SLC14A2: variants seen among roughly 807,000 people sequenced by gnomAD.
SLC14A2 encodes solute carrier family 14 member 2.
Under a neutral mutation model 104.6 loss-of-function variants are expected in SLC14A2, and 91 were observed. That is an observed-to-expected ratio of 0.87 (90% confidence interval 0.73 to 1.04). The LOEUF (loss-of-function observed/expected upper bound fraction) is 1.04. Among genes scored for constraint, SLC14A2 ranks in the 50% least tolerant of loss-of-function variants. The probability of loss-of-function intolerance (pLI) is 0.00; values close to 1 mark genes in which losing one functional copy is unlikely to be tolerated. For synonymous variants in SLC14A2, 476 were observed against 466.4 expected (o/e 1.02, Z -0.27); for missense variants, 1,189 against 1,156.0 (o/e 1.03, Z -0.41).
intron 1 of SLC14A2, among the ~76,000 whole-genome samples, chr18:45,621,238 C>G (rs1390302582): frequency 6.6e-6 from 1 of 152,174 alleles, no homozygotes; most frequent in Admixed American, 6.5e-5. Flanking sequence ...TTCCAGCATG[C>G]CCCCTCTATG....
At chr18:45,267,431 G>A (rs954891850) in intron 1 of SLC14A2, among the ~76,000 whole-genome samples, 1 of 152,104 alleles carries the variant, frequency 6.6e-6, no homozygotes. Flanking sequence ...CTATTCCACT[G>A]TGCTGTCAAC....
intron 1 of SLC14A2, among the ~76,000 whole-genome samples, chr18:45,285,426 A>G (rs1348611309): frequency 2.0e-5 from 3 of 150,604 alleles, no homozygotes; most frequent in Non-Finnish European, 4.4e-5. Context: ...AACAGATTAA[A>G]TTTTTTTTTT....
intron 1 of SLC14A2, among the ~76,000 whole-genome samples, chr18:45,294,339 T>C (rs994829919): frequency 1.3e-5 from 2 of 152,208 alleles, no homozygotes; most frequent in East Asian, 3.8e-4. Context: ...CTAAATACAG[T>C]TTTTTCTACT....
chr18:45,451,742 G>A (rs2086861302), intron 1 of SLC14A2, among the ~76,000 whole-genome samples: 2 of 152,122 alleles, frequency 1.3e-5, no homozygotes, highest in Non-Finnish European at 2.9e-5. Flanking sequence ...CAACTCAATA[G>A]TCAAAGATAT....
intron 1 of SLC14A2, among the ~76,000 whole-genome samples, chr18:45,444,175 C>T (rs73435857): frequency 1.3e-3 from 205 of 152,254 alleles, no homozygotes; most frequent in African/African-American, 4.6e-3. Flanking sequence ...AACTGGAAGC[C>T]CTGTTCTAAG....
At chr18:45,440,733 A>T (rs966438130) in intron 1 of SLC14A2, among the ~76,000 whole-genome samples, 21 of 152,154 alleles carry the variant, frequency 1.4e-4, no homozygotes, top group Admixed American at 1.3e-4. Context: ...GAGGGGAGTA[A>T]TAGAACTTAC....
chr18:45,230,561 A>G (rs2084164861), intron 1 of SLC14A2, among the ~76,000 whole-genome samples: 1 of 152,200 alleles, frequency 6.6e-6, no homozygotes, highest in Admixed American at 6.5e-5. Flanking sequence ...TTAATCCAAA[A>G]AAATCCCCCC....
intron 1 of SLC14A2, among the ~76,000 whole-genome samples, chr18:45,246,677 A>G (rs574567764): frequency 6.6e-6 from 1 of 151,986 alleles, no homozygotes; most frequent in African/African-American, 2.4e-5. Flanking sequence ...GGTTCAAACA[A>G]TTCTCTTGCC....
chr18:45,502,086 T>TC (rs1433624232), intron 2 of SLC14A2, among the ~76,000 whole-genome samples: 1 of 152,192 alleles, frequency 6.6e-6, no homozygotes, highest in Non-Finnish European at 1.5e-5. Context: ...GTCTGTGAGT[T>TC]CCCATAGTTA....
chr18:45,207,802 A>G, the SLC14A2 span, among the ~76,000 whole-genome samples: 1 of 152,178 alleles, frequency 6.6e-6, no homozygotes, highest in Admixed American at 6.5e-5. Context: ...ATTTTTTTTA[A>G]AAAAAAGCTA....
At chr18:45,220,897 C>T (rs1406921524) in intron 1 of SLC14A2, among the ~76,000 whole-genome samples, 1 of 152,186 alleles carries the variant, frequency 6.6e-6, no homozygotes, top group Non-Finnish European at 1.5e-5. Context: ...GGGCTACCTC[C>T]TCACAATGTC....
At chr18:45,223,264 G>A (rs1029486838) in intron 1 of SLC14A2, among the ~76,000 whole-genome samples, 5 of 152,242 alleles carry the variant, frequency 3.3e-5, no homozygotes, top group Admixed American at 2.0e-4. Context: ...CAATCACTGC[G>A]TGTGAGAGGT....
At chr18:45,329,089 CAAGT>C (rs1330968938) in intron 1 of SLC14A2, among the ~76,000 whole-genome samples, 1 of 152,068 alleles carries the variant, frequency 6.6e-6, no homozygotes, top group Non-Finnish European at 1.5e-5. Context: ...AAAAAGGAGA[CAAGT>C]GAGGGGAAAG....
intron 1 of SLC14A2, among the ~76,000 whole-genome samples, chr18:45,460,374 C>T (rs976939404): frequency 1.3e-5 from 2 of 152,142 alleles, no homozygotes; most frequent in Non-Finnish European, 2.9e-5. Flanking sequence ...AGGTGCTATC[C>T]CCACATGTAC....
the SLC14A2 span, among the ~76,000 whole-genome samples, chr18:45,180,670 C>T: frequency 6.6e-6 from 1 of 152,058 alleles, no homozygotes; most frequent in South Asian, 2.1e-4. Context: ...TGCTAAATCC[C>T]TTCCCATATT....
intron 1 of SLC14A2, among the ~76,000 whole-genome samples, chr18:45,250,721 C>T (rs1223546281): frequency 1.4e-5 from 2 of 141,034 alleles, no homozygotes; most frequent in Non-Finnish European, 3.0e-5. Context: ...CTGTACTTGT[C>T]TTACAACTGA....
chr18:45,231,215 T>TC (rs1486430818), intron 1 of SLC14A2, among the ~76,000 whole-genome samples: 1 of 150,968 alleles, frequency 6.6e-6, no homozygotes, highest in East Asian at 2.0e-4. Flanking sequence ...TTTTATTTAT[T>TC]TTTTTGAGGT....
chr18:45,423,050 G>A lies in SLC14A2; in HGVS notation c.-124-60183G>A, dbSNP rs538403450. Reference sequence around the variant, plus strand: ...CTCACACTCCATTGTGTCACACATCGTTTAAATATCTTATCACTTTGCCAT... The same window carrying A: ...CTCACACTCCATTGTGTCACACATCATTTAAATATCTTATCACTTTGCCAT... On this transcript the variant is annotated intron_variant, in intron 1 of 20. Transcript: ENST00000586448. Among the ~76,000 whole-genome samples, 14 of 152,220 alleles carry A rather than the reference G, an allele frequency of 9.2e-5. No homozygotes were observed. In the South Asian group the frequency reaches 2.1e-3, roughly 23 times the overall value.
intron 2 of SLC14A2, among the ~76,000 whole-genome samples, chr18:45,535,585 A>ATC: frequency 6.6e-6 from 1 of 152,272 alleles, no homozygotes; most frequent in African/African-American, 2.4e-5. Flanking sequence ...TGGGGCTGGG[A>ATC]TTGAACCTAG....
Sources: allele counts gnomAD v4.1 joint callset (sites outside exome capture counted in the v4.1 genomes callset), GRCh38; gene constraint gnomAD v4.1.1; transcripts MANE v1.5; gene names NCBI Gene and HGNC (gene_info 2026-07-23, HGNC 2026-07-21).